Variants in PLAAT1 observed in about 807,000 individuals in gnomAD.
PLAAT1 encodes H-REV107 protein-related protein.
In PLAAT1, 13 loss-of-function variants were observed where a neutral mutation model predicts 16.4. The observed-to-expected ratio is 0.79, with a 90% confidence interval of 0.52 to 1.26. PLAAT1 has a LOEUF of 1.26. Among genes scored for constraint, PLAAT1 ranks in the 50% most tolerant of loss-of-function variants. The pLI is 0.00. For synonymous variants in PLAAT1, 73 were observed against 78.4 expected (o/e 0.93, Z 0.36); for missense variants, 218 against 207.8 (o/e 1.05, Z -0.30).
intron 1 of PLAAT1, among the ~76,000 whole-genome samples, chr3:193,244,306 G>A (rs1715894576): frequency 6.6e-6 from 1 of 152,082 alleles, no homozygotes; most frequent in African/African-American, 2.4e-5. Context: ...AAACTTTTAA[G>A]GAAGTTGCCA....
intron 1 of PLAAT1, among the ~76,000 whole-genome samples, chr3:193,249,203 A>G (rs1248371769): frequency 6.6e-6 from 1 of 151,958 alleles, no homozygotes. Flanking sequence ...TTATGTAACA[A>G]GTTGCTTTTC....
At chr3:193,264,511 CT>C (rs34935727) in intron 3 of PLAAT1, among the ~76,000 whole-genome samples, 6 of 147,884 alleles carry the variant, frequency 4.1e-5, no homozygotes, top group Admixed American at 6.8e-5. Flanking sequence ...TCTTCTTCTT[CT>C]TTTTTTTTTT....
At chr3:193,276,301 A>C (rs1178119639) in intron 2 of PLAAT1, among the ~76,000 whole-genome samples, 1 of 152,192 alleles carries the variant, frequency 6.6e-6, no homozygotes, top group Admixed American at 6.5e-5. Context: ...GAAAAGAAAC[A>C]CCGTAAGAGG....
intron 2 of PLAAT1, among the ~76,000 whole-genome samples, chr3:193,256,106 T>C (rs964383904): frequency 1.3e-5 from 2 of 152,214 alleles, no homozygotes; most frequent in African/African-American, 4.8e-5. Flanking sequence ...AAATAGGTTA[T>C]TTCAATTTAT....
intron 1 of PLAAT1, 91 bp downstream of exon 1, chr3:193,241,624 T>A: frequency 2.2e-6 from 2 of 926,336 alleles, no homozygotes; most frequent in Non-Finnish European, 2.8e-6. Flanking sequence ...TTGACATGAC[T>A]AGAGAACAAC....
At chr3:193,281,230 G>C (rs1181275853), downstream of PLAAT1, 6 of 985,114 alleles carry the variant, frequency 6.1e-6, no homozygotes, top group South Asian at 2.8e-4. Context: ...GGGAAGAAGA[G>C]GACGCCTGAA....
chr3:193,244,553 A>C (rs1715908576), intron 1 of PLAAT1, among the ~76,000 whole-genome samples: 1 of 146,160 alleles, frequency 6.8e-6, no homozygotes, highest in Admixed American at 6.6e-5. Flanking sequence ...AGAAATAATC[A>C]AACTAATGTA....
At chr3:193,251,023 G>A (rs558082731) in intron 1 of PLAAT1, among the ~76,000 whole-genome samples, 2 of 150,812 alleles carry the variant, frequency 1.3e-5, no homozygotes, top group South Asian at 4.2e-4. Flanking sequence ...AGTGCAGTGA[G>A]TGCCTATCTC....
chr3:193,245,975 A>C (rs542624014), intron 1 of PLAAT1, among the ~76,000 whole-genome samples: 2 of 152,340 alleles, frequency 1.3e-5, no homozygotes, highest in East Asian at 3.9e-4. Context: ...CTCCCATTTC[A>C]TGTGCAAGGA....
At chr3:193,261,137 G>A (rs1716569548) in intron 2 of PLAAT1, among the ~76,000 whole-genome samples, 1 of 152,162 alleles carries the variant, frequency 6.6e-6, no homozygotes, top group Non-Finnish European at 1.5e-5. Flanking sequence ...GTAGGCCAAG[G>A]CAGGCAGATC....
chr3:193,257,029 C>G (rs1367357752), intron 2 of PLAAT1, among the ~76,000 whole-genome samples: 1 of 152,194 alleles, frequency 6.6e-6, no homozygotes, highest in Non-Finnish European at 1.5e-5. Context: ...TATTTAGACT[C>G]TCTGTCACAC....
chr3:193,272,220 G>A (rs929551054), downstream of PLAAT1, among the ~76,000 whole-genome samples: 1 of 152,106 alleles, frequency 6.6e-6, no homozygotes, highest in African/African-American at 2.4e-5. Flanking sequence ...GAGGCAGGTG[G>A]ATCATGAGGT....
In PLAAT1 at chr3:193,263,189, A is replaced by G; in HGVS notation, c.359A>G (p.Glu120Gly). ...TATAACTTACTTGTCAACAACTGTG[A>G]ACATTTTGTGACATTGCTTCGCTAT... ...VAYNLLVNNC[E>G]HFVTLLRYGE... The change falls in exon 3 of 4, where the codon GAA (glutamate) becomes GGA (glycine). Residue 120 changes from glutamate (E) to glycine (G), a missense_variant. Glu to Gly is a moderately conservative substitution (Grantham distance 98). Transcript: ENST00000264735. 2 of 1,614,212 alleles carry G rather than the reference A, an allele frequency of 1.2e-6. No homozygotes were observed. Among genetic ancestry groups the G allele is most frequent in the Non-Finnish European group, 1.7e-6 (2 of 1,180,010 alleles).
At chr3:193,261,417 C>G (rs1716580201) in intron 2 of PLAAT1, among the ~76,000 whole-genome samples, 1 of 151,704 alleles carries the variant, frequency 6.6e-6, no homozygotes, top group African/African-American at 2.4e-5. Context: ...GAGTATTTTC[C>G]TCAGGTTATG....
At chr3:193,253,036 A>G (rs1200463937) in intron 1 of PLAAT1, among the ~76,000 whole-genome samples, 1 of 152,048 alleles carries the variant, frequency 6.6e-6, no homozygotes, top group Non-Finnish European at 1.5e-5. Flanking sequence ...TTTAGGTTTT[A>G]TATTTTTATG....
In PLAAT1 at chr3:193,241,432, C is replaced by T. The variant is rs536850035; in HGVS notation, c.-102C>T. The T allele has an allele frequency of 1.6e-6, 2 of 1,231,762 alleles. No individual in the cohort carries two copies. The highest frequency in any genetic ancestry group is 8.2e-5 in the South Asian group (2 of 24,328). The allele number at this position is 1,231,762 out of a possible 1,614,324, so 76.3% of individuals were successfully genotyped here. A position where few individuals can be genotyped will look rare whatever the true frequency, so the allele number is the denominator to read the frequency against. On this transcript the variant is annotated 5_prime_UTR_variant, in exon 1 of 4. Transcript: ENST00000264735. ...CCCGGGTACAGATGGAGTCGTCCCGCGGCCGCCGGCGGCAAGGTCGGCAGC... is the reference window on the plus strand; with the variant it reads ...CCCGGGTACAGATGGAGTCGTCCCGTGGCCGCCGGCGGCAAGGTCGGCAGC...
chr3:193,242,122 C>CTT (rs773961794), intron 1 of PLAAT1, among the ~76,000 whole-genome samples: 15 of 142,020 alleles, frequency 1.1e-4, no homozygotes, highest in African/African-American at 7.7e-5. Flanking sequence ...TTTTTTTGCG[C>CTT]TTTTTTTTTT....
intron 1 of PLAAT1, among the ~76,000 whole-genome samples, chr3:193,242,801 G>T (rs1395261945): frequency 6.6e-6 from 1 of 152,188 alleles, no homozygotes; most frequent in Admixed American, 6.5e-5. Context: ...TCACAGTGTA[G>T]GAGGATTATG....
intron 1 of PLAAT1, among the ~76,000 whole-genome samples, chr3:193,245,476 T>A (rs1213109565): frequency 2.6e-5 from 4 of 152,216 alleles, no homozygotes. Flanking sequence ...TCTTGGCTAT[T>A]ATGAACAATG....
Sources: allele counts gnomAD v4.1 joint callset (sites outside exome capture counted in the v4.1 genomes callset), GRCh38; gene constraint gnomAD v4.1.1; transcripts MANE v1.5; gene names NCBI Gene and HGNC (gene_info 2026-07-23, HGNC 2026-07-21).